Variants in PAPPA2 observed in about 807,000 individuals in gnomAD.
PAPPA2 encodes the protein pappalysin-2.
A neutral mutation model predicts 176.4 loss-of-function variants in PAPPA2; 86 were observed. The observed-to-expected ratio is 0.49, with a 90% CI of 0.41 to 0.58. PAPPA2 has a LOEUF of 0.58. Among genes scored for constraint, PAPPA2 ranks in the 20% least tolerant of loss-of-function variants. The pLI is 0.00. For synonymous variants in PAPPA2, 809 were observed against 852.2 expected, an observed-to-expected ratio of 0.95 and a Z score of 0.88; for missense variants, 2,073 against 2,256.9, an observed-to-expected ratio of 0.92 and a Z score of 1.65.
chr1:176,658,947 C>T (rs1658181641), intron 3 of PAPPA2, among the ~76,000 whole-genome samples: 3 of 151,678 alleles, frequency 2.0e-5, no homozygotes. Context: ...GGCAGTGGGA[C>T]AGGAAAAATG....
intron 17 of PAPPA2, among the ~76,000 whole-genome samples, chr1:176,778,756 AT>A (rs1442307691): frequency 6.6e-6 from 1 of 152,166 alleles, no homozygotes; most frequent in Non-Finnish European, 1.5e-5. Flanking sequence ...ATGTACACTC[AT>A]GTATCTGTGA....
chr1:176,616,819 G>T, intron 3 of PAPPA2: 1 of 685,732 alleles, frequency 1.5e-6, no homozygotes, highest in Non-Finnish European at 2.5e-6. Flanking sequence ...ACTCAATAGG[G>T]TTATGAAATA....
intron 1 of PAPPA2, among the ~76,000 whole-genome samples, chr1:176,481,192 G>T (rs1449790744): frequency 1.3e-5 from 2 of 151,556 alleles, no homozygotes; most frequent in Non-Finnish European, 2.9e-5. Context: ...CCGTTAGTTT[G>T]CCCACTACTT....
At chr1:176,815,397 T>C (rs1256939915) in intron 21 of PAPPA2, among the ~76,000 whole-genome samples, 2 of 152,172 alleles carry the variant, frequency 1.3e-5, no homozygotes, top group Non-Finnish European at 2.9e-5. Flanking sequence ...TTTGGAAGAC[T>C]AGCAGTTCCT....
At chr1:176,712,667 AT>A (rs1317992164) in intron 12 of PAPPA2, among the ~76,000 whole-genome samples, 4 of 152,168 alleles carry the variant, frequency 2.6e-5, no homozygotes, top group Non-Finnish European at 4.4e-5. Flanking sequence ...ATTTCTGTAC[AT>A]TTTTGTGGTG....
chr1:176,583,272 G>A (rs1320248020), intron 2 of PAPPA2, among the ~76,000 whole-genome samples: 1 of 151,098 alleles, frequency 6.6e-6, no homozygotes, highest in Non-Finnish European at 1.5e-5. Flanking sequence ...TTTTGGTTTT[G>A]TTTGTACTTG....
intron 3 of PAPPA2, among the ~76,000 whole-genome samples, chr1:176,605,264 T>G (rs1326272621): frequency 6.6e-6 from 1 of 152,188 alleles, no homozygotes; most frequent in East Asian, 1.9e-4. Context: ...TTGGACATGA[T>G]GTTACAGATT....
At chr1:176,775,899 C>T (rs1233447264) in intron 17 of PAPPA2, among the ~76,000 whole-genome samples, 2 of 152,120 alleles carry the variant, frequency 1.3e-5, no homozygotes, top group Non-Finnish European at 2.9e-5. Context: ...TTTAACACGT[C>T]TCTGAGACTT....
intron 1 of PAPPA2, among the ~76,000 whole-genome samples, chr1:176,530,358 C>T (rs755662346): frequency 6.6e-6 from 1 of 152,088 alleles, no homozygotes; most frequent in Non-Finnish European, 1.5e-5. Context: ...CTGCTTTAAC[C>T]CACACAGTTA....
chr1:176,724,815 C>A (rs1035572514), intron 12 of PAPPA2, among the ~76,000 whole-genome samples: 9 of 152,178 alleles, frequency 5.9e-5, no homozygotes, highest in African/African-American at 1.9e-4. Context: ...GAAATTTATT[C>A]TATTACTGAT....
intron 3 of PAPPA2, among the ~76,000 whole-genome samples, chr1:176,617,488 A>G (rs924739056): frequency 2.6e-5 from 4 of 152,092 alleles, no homozygotes; most frequent in Non-Finnish European, 4.4e-5. Flanking sequence ...AAGGTCCATT[A>G]TATCATTCTT....
chr1:176,702,053 G>A (rs1050663088), intron 8 of PAPPA2, among the ~76,000 whole-genome samples: 2 of 152,096 alleles, frequency 1.3e-5, no homozygotes, highest in African/African-American at 4.8e-5. Flanking sequence ...TTCTAATTGT[G>A]GAACTTCTTG....
chr1:176,682,966 T>C (rs1427667367), intron 4 of PAPPA2, among the ~76,000 whole-genome samples: 2 of 152,048 alleles, frequency 1.3e-5, no homozygotes, highest in Non-Finnish European at 1.5e-5. Context: ...AGAACTGTTT[T>C]AGAGTTTTTC....
intron 4 of PAPPA2, among the ~76,000 whole-genome samples, chr1:176,681,556 G>A (rs1210871955): frequency 1.3e-5 from 2 of 152,114 alleles, no homozygotes; most frequent in Admixed American, 6.6e-5. Flanking sequence ...TATGTAAAAT[G>A]GGGATAATAA....
chr1:176,534,661 T>C (rs1313216286), intron 1 of PAPPA2, among the ~76,000 whole-genome samples: 2 of 152,156 alleles, frequency 1.3e-5, no homozygotes, highest in Non-Finnish European at 2.9e-5. Flanking sequence ...ATGGAGTATA[T>C]GAGAGGTGTG....
chr1:176,623,835 G>GTC (rs1313145185), intron 3 of PAPPA2, among the ~76,000 whole-genome samples: 3 of 81,288 alleles, frequency 3.7e-5, no homozygotes, highest in Non-Finnish European at 4.9e-5. Flanking sequence ...CTCTCTCTCT[G>GTC]TCTCTCTCTC....
At chr1:176,694,681 T>C (rs2102812110) in intron 6 of PAPPA2, among the ~76,000 whole-genome samples, 1 of 152,340 alleles carries the variant, frequency 6.6e-6, no homozygotes, top group African/African-American at 2.4e-5. Flanking sequence ...ATTATGTAGC[T>C]ATTATTGTGT....
chr1:176,791,313 A>G (rs1253854860), intron 18 of PAPPA2, 34 bp from the exon 19 acceptor site: 6 of 1,591,388 alleles, frequency 3.8e-6, no homozygotes, highest in Non-Finnish European at 5.2e-6. Context: ...AGTTAACAAA[A>G]CAATAATTAA....
intron 1 of PAPPA2, among the ~76,000 whole-genome samples, chr1:176,542,334 TG>T (rs1028649202): frequency 1.3e-5 from 2 of 152,134 alleles, no homozygotes; most frequent in African/African-American, 4.8e-5. Flanking sequence ...GATATCAAAA[TG>T]GACCCTTGGG....
Sources: gnomAD v4.1 joint callset for allele counts (sites outside exome capture counted in the v4.1 genomes callset) on GRCh38, gnomAD v4.1.1 for gene constraint, MANE v1.5 for transcripts, NCBI Gene and HGNC (gene_info 2026-07-23, HGNC 2026-07-21) for gene names.